CEP63: variants seen among roughly 807,000 people sequenced by gnomAD.
The protein encoded by CEP63 is centrosomal protein 63.
Under a neutral mutation model 89.1 loss-of-function variants are expected in CEP63, and 84 were observed. The observed-to-expected ratio is 0.94, with a 90% CI of 0.79 to 1.13. The LOEUF is 1.13. Ranked by LOEUF, CEP63 falls within the 50% of genes most tolerant of loss-of-function variation. The pLI is 0.00. For missense variants in CEP63, 838 were observed against 813.3 expected (o/e 1.03, Z -0.37); for synonymous variants, 267 against 272.5 (o/e 0.98, Z 0.20).
chr3:134,704,263 A>G, the CEP63 span, among the ~76,000 whole-genome samples: 12 of 152,060 alleles, frequency 7.9e-5, no homozygotes, highest in African/African-American at 2.9e-4. Context: ...GTGCTTCCCC[A>G]CTGCCATGTA....
At chr3:134,714,120 A>C in the CEP63 span, among the ~76,000 whole-genome samples, 1 of 152,312 alleles carries the variant, frequency 6.6e-6, no homozygotes, top group South Asian at 2.1e-4. Context: ...AAGTCACGAT[A>C]CTGCAAGTTA....
the CEP63 span, chr3:134,601,052 G>C: frequency 6.6e-6 from 1 of 152,206 alleles, no homozygotes; most frequent in African/African-American, 2.4e-5. Context: ...CGGCGACTGG[G>C]ACTCGTCGCC....
chr3:134,731,789 A>G, the CEP63 span, among the ~76,000 whole-genome samples: 1 of 152,208 alleles, frequency 6.6e-6, no homozygotes, highest in African/African-American at 2.4e-5. Flanking sequence ...AAGTGTAAAG[A>G]AGAGAAGACA....
At chr3:134,558,424 C>A (rs1956696570) in intron 13 of CEP63, 77 bp downstream of exon 13, 2 of 1,040,326 alleles carry the variant, frequency 1.9e-6, no homozygotes. Flanking sequence ...TAATTTTTGA[C>A]TTACAGAAAT....
chr3:134,736,216 T>A, the CEP63 span, among the ~76,000 whole-genome samples: 1 of 152,174 alleles, frequency 6.6e-6, no homozygotes, highest in Non-Finnish European at 1.5e-5. Flanking sequence ...AATATGTATG[T>A]ATGTATGTTC....
chr3:134,698,465 G>A, the CEP63 span, among the ~76,000 whole-genome samples: 5 of 152,292 alleles, frequency 3.3e-5, no homozygotes, highest in South Asian at 2.1e-4. Flanking sequence ...AGGGGCTGCC[G>A]TCTCCATCCT....
chr3:134,710,453 C>T, the CEP63 span, among the ~76,000 whole-genome samples: 6 of 152,196 alleles, frequency 3.9e-5, no homozygotes, highest in Admixed American at 2.6e-4. Flanking sequence ...CCGGTGGAAT[C>T]TCTTGGAACA....
At chr3:134,551,240 C>G (rs1271322653) in intron 11 of CEP63, among the ~76,000 whole-genome samples, 5 of 152,154 alleles carry the variant, frequency 3.3e-5, no homozygotes, top group Admixed American at 6.6e-5. Context: ...AGGCATTTAG[C>G]TGTGGCTGTC....
intron 5 of CEP63, chr3:134,535,525 A>G (rs1164324264): frequency 1.6e-5 from 2 of 122,816 alleles, no homozygotes; most frequent in African/African-American, 3.1e-5. Context: ...ATCTACGCTC[A>G]CTCCCCTATT....
At chr3:134,504,280 A>G (rs1455856873) in intron 2 of CEP63, among the ~76,000 whole-genome samples, 2 of 152,088 alleles carry the variant, frequency 1.3e-5, no homozygotes, top group African/African-American at 4.8e-5. Flanking sequence ...TGGTCTAGTG[A>G]TGATGAATTA....
intron 12 of CEP63, among the ~76,000 whole-genome samples, chr3:134,554,296 AT>A (rs1222017946): frequency 6.8e-6 from 1 of 148,124 alleles, no homozygotes; most frequent in Non-Finnish European, 1.5e-5. Flanking sequence ...ATGTGATCTC[AT>A]TGTTCAATTC....
At chr3:134,578,630 C>T (rs1015699483), downstream of CEP63, among the ~76,000 whole-genome samples, 6 of 152,090 alleles carry the variant, frequency 3.9e-5, no homozygotes, top group Admixed American at 2.6e-4. Flanking sequence ...ATGCCCAGCC[C>T]TCACTGTGAT....
the CEP63 span, chr3:134,603,317 T>TGG: frequency 2.6e-6 from 1 of 382,272 alleles, no homozygotes; most frequent in Non-Finnish European, 4.7e-6. Context: ...AGGTGTACAG[T>TGG]TTACAATACC....
chr3:134,522,152 T>C (rs1947600649), intron 3 of CEP63, among the ~76,000 whole-genome samples: 1 of 152,204 alleles, frequency 6.6e-6, no homozygotes, highest in Non-Finnish European at 1.5e-5. Context: ...TAAAAACATT[T>C]TACTTCCTAC....
At chr3:134,547,966 T>A (rs556378453) in intron 9 of CEP63, among the ~76,000 whole-genome samples, 6 of 152,270 alleles carry the variant, frequency 3.9e-5, no homozygotes, top group Admixed American at 3.9e-4. Flanking sequence ...TCTTAATCTT[T>A]CTGTCATCAA....
In CEP63 at chr3:134,564,406, G is replaced by C. The variant is rs1957615464; in HGVS notation, c.*2871G>C. The C allele has an allele frequency of 1.2e-5, 12 of 985,396 alleles. No individual in the cohort carries two copies. The highest frequency in any genetic ancestry group is 1.4e-5 in the Non-Finnish European group (12 of 829,970). The allele number at this position is 985,396 out of a possible 1,614,324, so 61.0% of individuals were successfully genotyped here. On this transcript the variant is annotated 3_prime_UTR_variant, in exon 15 of 15. Transcript: ENST00000675561. ...TTGGCAAAGCTTTCCCATATCCCCT[G>C]ACCCATGTCAGGGAACGTTTCTCCT...
At chr3:134,714,565 G>A in the CEP63 span, among the ~76,000 whole-genome samples, 3 of 152,312 alleles carry the variant, frequency 2.0e-5, no homozygotes, top group East Asian at 1.9e-4. Flanking sequence ...ATGGAGAAAT[G>A]GCTGAGTCAG....
chr3:134,525,109 G>A (rs781391379), intron 3 of CEP63, among the ~76,000 whole-genome samples: 2 of 151,980 alleles, frequency 1.3e-5, no homozygotes, highest in African/African-American at 2.4e-5. Flanking sequence ...TTCAGTCTTC[G>A]GATGGTGTAT....
the CEP63 span, among the ~76,000 whole-genome samples, chr3:134,722,876 C>G: frequency 6.6e-6 from 1 of 152,272 alleles, no homozygotes; most frequent in East Asian, 1.9e-4. Context: ...AAAGATGATT[C>G]CAATGCCTAC....
Sources: allele counts gnomAD v4.1 joint callset (sites outside exome capture counted in the v4.1 genomes callset), GRCh38; gene constraint gnomAD v4.1.1; transcripts MANE v1.5; gene names NCBI Gene and HGNC (gene_info 2026-07-23, HGNC 2026-07-21).